ARAP1: variants seen among roughly 807,000 people sequenced by gnomAD.
ARAP1 encodes arf-GAP with Rho-GAP domain, ANK repeat and PH domain-containing protein 1.
ARAP1 carries 76 observed loss-of-function variants against 172.2 expected under a neutral mutation model. The observed-to-expected ratio is 0.44, with a 90% confidence interval of 0.37 to 0.53. The LOEUF (loss-of-function observed/expected upper bound fraction) is 0.53, where lower values mean the gene tolerates loss of function less well. Among genes scored for constraint, ARAP1 ranks in the 20% least tolerant of loss-of-function variants. ARAP1 has a pLI of 0.00. For missense variants in ARAP1, 1,686 were observed against 1,977.5 expected (o/e 0.85, Z 2.80); for synonymous variants, 804 against 803.3 (o/e 1.00, Z -0.01).
At chr11:72,702,810 TGAG>T in intron 15 of ARAP1, 92 bp downstream of exon 15, 1 of 1,444,170 alleles carries the variant, frequency 6.9e-7, no homozygotes, top group African/African-American at 1.4e-5. Flanking sequence ...CACAGGCCCT[TGAG>T]GAGCTGCGAT....
At chr11:72,728,184 A>G (rs537081445) in intron 2 of ARAP1, among the ~76,000 whole-genome samples, 6 of 152,374 alleles carry the variant, frequency 3.9e-5, no homozygotes, top group Admixed American at 3.3e-4. Context: ...GAAGAGATAA[A>G]CTATCCATTT....
intron 11 of ARAP1, among the ~76,000 whole-genome samples, chr11:72,707,812 G>A (rs1856837000): frequency 6.6e-6 from 1 of 152,092 alleles, no homozygotes; most frequent in South Asian, 2.1e-4. Flanking sequence ...CCTGCATCAG[G>A]AAGAGGAAGT....
chr11:72,722,273 G>A (rs542829752), intron 3 of ARAP1: 3 of 985,568 alleles, frequency 3.0e-6, no homozygotes, highest in South Asian at 4.7e-5. Context: ...CTGGTCTCCC[G>A]GAGGCTTCCT....
At position 72,697,989 on chromosome 11, in the gene ARAP1, T is replaced by C; in HGVS notation, c.2659A>G (p.Ser887Gly). Residue 887 changes from serine to glycine, a missense_variant, in exon 19 of 35, where the codon AGT (serine) becomes GGT (glycine). Coordinates refer to ENST00000393609, the MANE Select transcript of ARAP1 (RefSeq NM_001040118.3). The stretch of plus-strand genomic sequence containing the variant: ...AAGACAGCACGGAGCTCCGAGCCAC[T>C]GAGAGAGAACCAGCCCTCCTGGGCC... ...QRAQEGWFSL[S>G]GSELRAVFPE... is the part of the protein sequence containing the mutation. 1.2e-6 allele frequency: 2 copies of C among 1,612,346 alleles called. No individual in the cohort carries two copies. The highest frequency in any genetic ancestry group is 2.2e-5 in the South Asian group (2 of 90,756).
At chr11:72,740,906 C>A (rs2135589475) in intron 1 of ARAP1, among the ~76,000 whole-genome samples, 1 of 152,280 alleles carries the variant, frequency 6.6e-6, no homozygotes, top group South Asian at 2.1e-4. Context: ...ACCCAGGGGC[C>A]CCTCATGTCC....
intron 3 of ARAP1, among the ~76,000 whole-genome samples, chr11:72,724,073 C>T (rs187673526): frequency 4.6e-5 from 7 of 152,326 alleles, no homozygotes; most frequent in African/African-American, 1.4e-4. Flanking sequence ...CATGTCACCA[C>T]TGAAACTGCA....
In ARAP1 at chr11:72,699,137, C is replaced by T; in HGVS notation, c.2439-30G>A. On this transcript the variant is annotated intron_variant, in intron 17 of 34. Transcript: ENST00000393609. The surrounding 1 kb of genome is among the most constrained non-coding windows in gnomAD (Gnocchi z 4.2). ...AAATACACAGGCCAGGACTCAGGCC[C>T]ACCTCATCCAGCACGGGCCCACCCC... is the stretch of plus-strand genomic sequence containing the variant. The T allele has an allele frequency of 1.9e-6, 3 of 1,609,944 alleles. No individual in the cohort carries two copies. Among genetic ancestry groups the T allele is most frequent in the Non-Finnish European group, 2.5e-6 (3 of 1,176,732 alleles).
In ARAP1 at chr11:72,693,429, G is replaced by C. The variant is rs770847913; in HGVS notation, c.3850C>G (p.Arg1284Gly). 1 of 1,613,876 alleles carries C rather than the reference G, an allele frequency of 6.2e-7. No individual in the cohort carries two copies. Among genetic ancestry groups the C allele is most frequent in the African/African-American group, 1.3e-5 (1 of 75,020 alleles). Reference sequence around the variant, plus strand: ...AGGCCCAGGAGGCTGCGGTCCTCACGGAACTTCATCATGCCATGCTTGGTG... The same window carrying C: ...AGGCCCAGGAGGCTGCGGTCCTCACCGAACTTCATCATGCCATGCTTGGTG... Reference protein sequence around the residue: ...GDTKHGMMKFREDRSLLGLGL... With the variant: ...GDTKHGMMKFGEDRSLLGLGL... Residue 1284 changes from arginine (R) to glycine (G), a missense_variant, in exon 29 of 35, where the codon CGT (arginine) becomes GGT (glycine). By Grantham distance (125) the Arg-to-Gly change is moderately radical (BLOSUM62 -2). Transcript: ENST00000393609. This position sits in a 1 kb window ranked among gnomAD's most constrained non-coding sequence, Gnocchi z 4.6.
chr11:72,702,636 G>A (rs760024333), intron 15 of ARAP1, among the ~76,000 whole-genome samples: 61 of 152,300 alleles, frequency 4.0e-4, no homozygotes, highest in Non-Finnish European at 7.6e-4. Context: ...GCTCAGAGGC[G>A]CACAAACACC....
intron 3 of ARAP1, among the ~76,000 whole-genome samples, chr11:72,722,650 G>A (rs1360520302): frequency 1.3e-5 from 2 of 152,232 alleles, no homozygotes; most frequent in Non-Finnish European, 2.9e-5. Context: ...GCAGTCAAGG[G>A]CACAGGAGGG....
At chr11:72,687,037 C>A (rs907265655) in intron 33 of ARAP1, among the ~76,000 whole-genome samples, 6 of 152,226 alleles carry the variant, frequency 3.9e-5, no homozygotes, top group Non-Finnish European at 8.8e-5. Flanking sequence ...TGGACCTTTG[C>A]CTAAACCGTT....
intron 3 of ARAP1, among the ~76,000 whole-genome samples, chr11:72,722,685 T>G (rs1298527213): frequency 2.6e-5 from 4 of 152,186 alleles, no homozygotes; most frequent in Non-Finnish European, 5.9e-5. Context: ...TGGCTCCAGC[T>G]GGGCAGCTGC....
intron 12 of ARAP1, 79 bp from the exon 13 acceptor site, chr11:72,705,969 G>C: frequency 6.9e-7 from 1 of 1,451,296 alleles, no homozygotes. Context: ...GTGTCTACTG[G>C]GACAGGCAGG....
intron 2 of ARAP1, among the ~76,000 whole-genome samples, chr11:72,728,886 T>A (rs1318583613): frequency 3.9e-5 from 6 of 152,180 alleles, no homozygotes; most frequent in African/African-American, 1.4e-4. Flanking sequence ...CACAATCCAA[T>A]TAAATATGTA....
intron 14 of ARAP1, 86 bp from the exon 15 acceptor site, chr11:72,703,165 G>A: frequency 7.4e-7 from 1 of 1,342,874 alleles, no homozygotes; most frequent in Non-Finnish European, 9.9e-7. Flanking sequence ...GGAAAGAAAA[G>A]GAAGGAGTCA....
intron 1 of ARAP1, among the ~76,000 whole-genome samples, chr11:72,749,515 C>T (rs1286104843): frequency 1.3e-5 from 2 of 152,196 alleles, no homozygotes; most frequent in Non-Finnish European, 2.9e-5. Context: ...TCGTCTTATG[C>T]TCTTATGCAA....
chr11:72,740,343 A>T (rs1350373875), intron 1 of ARAP1, among the ~76,000 whole-genome samples: 2 of 152,246 alleles, frequency 1.3e-5, no homozygotes, highest in Non-Finnish European at 2.9e-5. Flanking sequence ...ACCAAGGGAC[A>T]GTAGGCATTG....
intron 1 of ARAP1, among the ~76,000 whole-genome samples, chr11:72,750,487 A>AC (rs1250913918): frequency 2.0e-5 from 3 of 147,098 alleles, no homozygotes; most frequent in Non-Finnish European, 4.5e-5. Context: ...ACTCTCAGAC[A>AC]CCCCCCCAAC....
chr11:72,685,745 A>AAGCTGCTGC (rs148980436), intron 34 of ARAP1, 64 bp from the exon 35 acceptor site: 4 of 1,594,706 alleles, frequency 2.5e-6, no homozygotes, highest in Admixed American at 3.3e-5. Flanking sequence ...CGCCCCGCTG[A>AAGCTGCTGC]AGCTGCTGCA....
Sources: gnomAD v4.1 joint callset for allele counts (sites outside exome capture counted in the v4.1 genomes callset) on GRCh38, gnomAD v4.1.1 for gene constraint, Gnocchi (gnomAD v3.1) non-coding constraint, MANE v1.5 for transcripts, NCBI Gene and HGNC (gene_info 2026-07-23, HGNC 2026-07-21) for gene names.